ZNF516: variants seen among roughly 807,000 people sequenced by gnomAD.
The protein encoded by ZNF516 is zinc finger protein 516.
ZNF516 carries 19 observed loss-of-function variants against 79.7 expected under a neutral mutation model. That is an observed-to-expected ratio of 0.24 (90% CI 0.17 to 0.35). The LOEUF (loss-of-function observed/expected upper bound fraction) is 0.35. Ranked by LOEUF, ZNF516 falls within the 10% of genes least tolerant of loss-of-function variation. ZNF516 has a pLI of 1.00. For synonymous variants in ZNF516, 877 were observed against 739.5 expected, an observed-to-expected ratio of 1.19 and a Z score of -3.02; for missense variants, 1,678 against 1,679.5, an observed-to-expected ratio of 1.00 and a Z score of 0.02.
Position 76,476,517 on chromosome 18 carries a change from A to T in ZNF516, c.-271-13376T>A, listed in dbSNP as rs576655829. Among the ~76,000 whole-genome samples, 7 of 152,320 alleles carry T rather than the reference A, an allele frequency of 4.6e-5. No individual in the cohort carries two copies. In the South Asian group the frequency reaches 1.4e-3, roughly 32 times the overall value. Reference sequence around the variant, plus strand: ...CAGGAGTTGCAGGACAGGGAATAGGATTGGTCTTAGCTACTGGAATTCCTC... The same window carrying T: ...CAGGAGTTGCAGGACAGGGAATAGGTTTGGTCTTAGCTACTGGAATTCCTC... On this transcript the variant is annotated intron_variant, in intron 1 of 6. Coordinates refer to ENST00000443185, the MANE Select transcript of ZNF516 (RefSeq NM_014643.4).
intron 6 of ZNF516, among the ~76,000 whole-genome samples, chr18:76,367,269 T>C (rs972295669): frequency 1.3e-5 from 2 of 152,174 alleles, no homozygotes; most frequent in African/African-American, 4.8e-5. Context: ...TCCGGCCCCA[T>C]GCCAGCTCAG....
chr18:76,370,337 G>A (rs1202331011), intron 6 of ZNF516, among the ~76,000 whole-genome samples, 191 bp downstream of exon 6: 5 of 152,164 alleles, frequency 3.3e-5, no homozygotes, highest in Non-Finnish European at 5.9e-5. Context: ...CACCCGGCTG[G>A]GAGGACCTCT....
intron 2 of ZNF516, among the ~76,000 whole-genome samples, chr18:76,450,083 G>A (rs923751364): frequency 6.7e-6 from 1 of 149,434 alleles, no homozygotes; most frequent in African/African-American, 2.5e-5. Context: ...TTATTCTTTG[G>A]AGATGTGTAA....
chr18:76,441,896 G>A lies in ZNF516; in HGVS notation c.1159C>T (p.Leu387=). The A allele has an allele frequency of 6.3e-7, 1 of 1,599,274 alleles. No homozygotes were observed. ...SDTKQFFLQC[L]NLRPSAAGDS... Reference sequence around the variant, plus strand: ...CCGGCCGCCGACGGCCTCAGGTTCAGGCACTGGAGGAAGAACTGCTTGGTG... The same window carrying A: ...CCGGCCGCCGACGGCCTCAGGTTCAAGCACTGGAGGAAGAACTGCTTGGTG... Residue 387 remains leucine, a synonymous_variant, in exon 3 of 7, where the codon CTG becomes TTG. Transcript: ENST00000443185.
At chr18:76,488,115 T>A (rs1258992298) in intron 1 of ZNF516, 3 of 983,148 alleles carry the variant, frequency 3.1e-6, no homozygotes, top group Non-Finnish European at 3.6e-6. Flanking sequence ...CACGGGGAGA[T>A]GTATTCCAAC....
intron 1 of ZNF516, among the ~76,000 whole-genome samples, chr18:76,475,103 G>A (rs186286700): frequency 3.8e-4 from 58 of 152,184 alleles, no homozygotes; most frequent in African/African-American, 1.3e-3. Context: ...CATATGTGAC[G>A]GAAGATACAA....
At chr18:76,465,576 G>A (rs942531661) in intron 1 of ZNF516, among the ~76,000 whole-genome samples, 2 of 152,216 alleles carry the variant, frequency 1.3e-5, no homozygotes, top group African/African-American at 4.8e-5. Context: ...GACAAAGGCA[G>A]GGCTGGAAAG....
rs566784780 is a variant in ZNF516 at position 76,366,022 on chromosome 18, G to A, written c.3433-3465C>T. On this transcript the variant is annotated intron_variant, in intron 6 of 6. Transcript: ENST00000443185. ...TCTGGTTTTCATAACCTCCTCTACA[G>A]TCTTCAAGTATGTGTATATAACATG... Among the ~76,000 whole-genome samples, 19 of 152,282 alleles carry A rather than the reference G, an allele frequency of 1.2e-4. No individual in the cohort carries two copies. The South Asian group carries it at 3.9e-3, about 32-fold the overall frequency.
chr18:76,400,258 C>T (rs1461292122), intron 3 of ZNF516, among the ~76,000 whole-genome samples: 1 of 152,208 alleles, frequency 6.6e-6, no homozygotes, highest in East Asian at 1.9e-4. Flanking sequence ...AACACAGGAG[C>T]AGGCGAGGCT....
At chr18:76,423,521 C>G (rs2075537663) in intron 3 of ZNF516, among the ~76,000 whole-genome samples, 1 of 150,512 alleles carries the variant, frequency 6.6e-6, no homozygotes, top group Admixed American at 6.6e-5. Context: ...TCCCCCGAAA[C>G]ACACGCAGGT....
At position 76,459,411 on chromosome 18, in the gene ZNF516, G is replaced by A. The variant is rs1194207065; in HGVS notation, c.-158+3617C>T. On this transcript the variant is annotated intron_variant, in intron 2 of 6. Transcript: ENST00000443185. The surrounding 1 kb of genome is among the most constrained non-coding windows in gnomAD (Gnocchi z 5.0). Reference sequence around the variant, plus strand: ...GAGGACAGCCGTCCTAGCTTCCTTCGTGGGAGAAAACTCTGGCCCTCCACT... The same window carrying A: ...GAGGACAGCCGTCCTAGCTTCCTTCATGGGAGAAAACTCTGGCCCTCCACT... Among the ~76,000 whole-genome samples the A allele has an allele frequency of 6.6e-6, 1 of 152,186 alleles. No individual in the cohort carries two copies. Among genetic ancestry groups the A allele is most frequent in the South Asian group, 2.1e-4 (1 of 4,832 alleles).
At chr18:76,396,305 C>CT (rs1388915914) in intron 3 of ZNF516, among the ~76,000 whole-genome samples, 1 of 152,156 alleles carries the variant, frequency 6.6e-6, no homozygotes, top group Non-Finnish European at 1.5e-5. Context: ...CAAACAGCCT[C>CT]TATCCAAATG....
At chr18:76,481,976 CCAAAAGCTA>C (rs1474225833) in intron 1 of ZNF516, among the ~76,000 whole-genome samples, 3 of 152,102 alleles carry the variant, frequency 2.0e-5, no homozygotes, top group Non-Finnish European at 4.4e-5. Context: ...GAACTACTTT[CCAAAAGCTA>C]CAATAGCTTT....
In ZNF516 at chr18:76,417,852, T is replaced by C. The variant is rs1050620060; in HGVS notation, c.1810+23393A>G. Reference sequence around the variant, plus strand: ...AAACCTCTGAAAAATGATATTTAAATATACAAAATGCAAAAGAGTGTCACT... The same window carrying C: ...AAACCTCTGAAAAATGATATTTAAACATACAAAATGCAAAAGAGTGTCACT... On this transcript the variant is annotated intron_variant, in intron 3 of 6. Coordinates refer to ENST00000443185, the MANE Select transcript of ZNF516 (RefSeq NM_014643.4). Among the ~76,000 whole-genome samples, 7 of 152,334 alleles carry C rather than the reference T, an allele frequency of 4.6e-5. No individual in the cohort carries two copies. In the South Asian group the frequency reaches 6.2e-4, roughly 14 times the overall value.
intron 4 of ZNF516, among the ~76,000 whole-genome samples, chr18:76,373,712 C>CGCGTGCACACACACACACGCAG (rs1179782753): frequency 1.3e-5 from 2 of 152,052 alleles, no homozygotes; most frequent in African/African-American, 2.4e-5. Context: ...TGCATGAGCA[C>CGCGTGCACACACACACACGCAG]GCGTGCACAC....
rs558385493 is a variant in ZNF516 at position 76,454,220 on chromosome 18, T to C, written c.-158+8808A>G. ...AAAAAATCCCTTCATTAAGAGCTCA[T>C]AGAGGAAAAACAAACACGTCAATAA... On this transcript the variant is annotated intron_variant, in intron 2 of 6. Coordinates refer to ENST00000443185, the MANE Select transcript of ZNF516 (RefSeq NM_014643.4). Among the ~76,000 whole-genome samples, 12 of 152,300 alleles carry C rather than the reference T, an allele frequency of 7.9e-5. No individual in the cohort carries two copies. In the South Asian group the frequency reaches 2.5e-3, roughly 32 times the overall value.
intron 2 of ZNF516, among the ~76,000 whole-genome samples, chr18:76,454,409 T>C (rs1912599097): frequency 6.6e-6 from 1 of 152,248 alleles, no homozygotes; most frequent in African/African-American, 2.4e-5. Flanking sequence ...ATCAATACTT[T>C]AAGATGATCA....
chr18:76,470,760 A>G (rs914974506), intron 1 of ZNF516, among the ~76,000 whole-genome samples: 1 of 152,160 alleles, frequency 6.6e-6, no homozygotes, highest in Non-Finnish European at 1.5e-5. Flanking sequence ...ACCGCCTGTA[A>G]TCCCAGCACT....
Position 76,362,297 on chromosome 18 carries a change from T to C in ZNF516, c.*201A>G, listed in dbSNP as rs1421469925. 1 of 542,358 alleles carries C rather than the reference T, an allele frequency of 1.8e-6. No homozygotes were observed. The highest frequency in any genetic ancestry group is 1.9e-5 in the African/African-American group (1 of 53,166). 33.6% of individuals were successfully genotyped at this position (542,358 alleles called of 1,614,324 possible). On this transcript the variant is annotated 3_prime_UTR_variant, in exon 7 of 7. Transcript: ENST00000443185. ...TTCTAGAATATAGCATCTTCATTTATTTCTGAACGTTTAACAAGGAGAGGC... is the reference window on the plus strand; with the variant it reads ...TTCTAGAATATAGCATCTTCATTTACTTCTGAACGTTTAACAAGGAGAGGC...
Sources: allele counts gnomAD v4.1 joint callset (sites outside exome capture counted in the v4.1 genomes callset), GRCh38; gene constraint gnomAD v4.1.1; non-coding constraint Gnocchi (gnomAD v3.1); transcripts MANE v1.5; gene names NCBI Gene and HGNC (gene_info 2026-07-23, HGNC 2026-07-21).